Variants in RSPH14 observed in about 807,000 individuals in gnomAD.
RSPH14 encodes the protein radial spoke head 14 homolog, also known as rhabdoid tumor deletion region gene 1.
RSPH14 carries 20 observed loss-of-function variants against 26.7 expected under a neutral mutation model. That is an observed-to-expected ratio of 0.75 (90% confidence interval 0.53 to 1.09). RSPH14 has a LOEUF of 1.09. Ranked by LOEUF, RSPH14 falls within the 50% of genes least tolerant of loss-of-function variation. The pLI is 0.00. For missense variants in RSPH14, 449 were observed against 457.2 expected, an observed-to-expected ratio of 0.98 and a Z score of 0.16; for synonymous variants, 177 against 189.3, an observed-to-expected ratio of 0.93 and a Z score of 0.53.
chr22:23,102,549 A>G (rs1257273116), intron 4 of RSPH14, among the ~76,000 whole-genome samples: 2 of 152,206 alleles, frequency 1.3e-5, no homozygotes, highest in Admixed American at 6.5e-5. Flanking sequence ...GTCAGAGGTC[A>G]GCCACAAGGC....
intron 4 of RSPH14, among the ~76,000 whole-genome samples, chr22:23,132,231 T>C (rs2146434389): frequency 6.6e-6 from 1 of 152,300 alleles, no homozygotes; most frequent in East Asian, 1.9e-4. Context: ...CCCAGGTTCA[T>C]CTGACTCCTG....
chr22:23,145,515 A>C (rs752245439), upstream of RSPH14: 1 of 1,604,864 alleles, frequency 6.2e-7, no homozygotes, highest in South Asian at 1.1e-5. Context: ...CAGGCGGACC[A>C]GGCCGCGCGG....
intron 4 of RSPH14, among the ~76,000 whole-genome samples, chr22:23,078,918 T>G (rs2068589082): frequency 6.6e-6 from 1 of 152,150 alleles, no homozygotes; most frequent in African/African-American, 2.4e-5. Context: ...GCGGGGGCTG[T>G]GCGTCTACCC....
At chr22:23,123,263 C>T (rs200336199) in intron 4 of RSPH14, 184 of 1,614,006 alleles carry the variant, frequency 1.1e-4, no homozygotes, top group Admixed American at 8.0e-4. Context: ...ACGAGGAGGC[C>T]GCTGTCTACA....
chr22:23,069,891 C>T (rs908186920), intron 4 of RSPH14, among the ~76,000 whole-genome samples: 2 of 152,130 alleles, frequency 1.3e-5, no homozygotes, highest in Admixed American at 6.5e-5. Context: ...AGAGGTCAGT[C>T]GGTTGCCCAA....
chr22:23,132,340 G>T (rs1163492983), intron 4 of RSPH14, among the ~76,000 whole-genome samples: 2 of 152,084 alleles, frequency 1.3e-5, no homozygotes, highest in East Asian at 1.9e-4. Context: ...AATACTCATT[G>T]CATCATGCGA....
At chr22:23,102,274 T>C (rs1040283845) in intron 4 of RSPH14, among the ~76,000 whole-genome samples, 6 of 152,278 alleles carry the variant, frequency 3.9e-5, no homozygotes, top group African/African-American at 1.4e-4. Flanking sequence ...CGTGACCCCA[T>C]GGGATGCTGG....
chr22:23,176,192 C>T, the RSPH14 span, among the ~76,000 whole-genome samples: 1 of 152,224 alleles, frequency 6.6e-6, no homozygotes. Context: ...CCTCTGCTTG[C>T]CTGTTGCAGT....
chr22:23,149,966 A>G (rs1425083829), upstream of RSPH14: 18 of 955,314 alleles, frequency 1.9e-5, no homozygotes, highest in Non-Finnish European at 3.0e-5. Context: ...AGGCCTAGGA[A>G]GGAAGGCTGG....
chr22:23,115,600 G>T (rs1038386291), intron 4 of RSPH14, among the ~76,000 whole-genome samples: 5 of 152,114 alleles, frequency 3.3e-5, no homozygotes, highest in Admixed American at 1.3e-4. Context: ...TGACCCTGCA[G>T]GGTGGCCTCC....
chr22:23,079,211 A>G (rs2068601751), intron 4 of RSPH14, among the ~76,000 whole-genome samples: 1 of 152,264 alleles, frequency 6.6e-6, no homozygotes, highest in Non-Finnish European at 1.5e-5. Context: ...TGCTTGGGGC[A>G]AGGCAGCACA....
At chr22:23,109,944 G>A (rs2069599595) in intron 4 of RSPH14, among the ~76,000 whole-genome samples, 1 of 152,182 alleles carries the variant, frequency 6.6e-6, no homozygotes, top group South Asian at 2.1e-4. Context: ...ACTGGCTCCA[G>A]GGACAGACAG....
the RSPH14 span, among the ~76,000 whole-genome samples, chr22:23,152,774 TC>T: frequency 4.6e-5 from 7 of 152,132 alleles, no homozygotes; most frequent in African/African-American, 1.4e-4. Flanking sequence ...CCACGGGCTC[TC>T]CCCTCCACTG....
the RSPH14 span, chr22:23,156,012 C>T: frequency 6.2e-7 from 1 of 1,612,924 alleles, no homozygotes; most frequent in African/African-American, 1.3e-5. Flanking sequence ...ATCGCATCTG[C>T]CTACTACCGG....
intron 6 of RSPH14, 24 bp from the exon 7 acceptor site, chr22:23,059,742 T>C: frequency 6.7e-7 from 1 of 1,502,602 alleles, no homozygotes; most frequent in Non-Finnish European, 8.8e-7. Context: ...ACACAAGGCG[T>C]TCCAAACAGC....
the RSPH14 span, chr22:23,161,798 C>A: frequency 2.2e-5 from 12 of 539,198 alleles, no homozygotes; most frequent in Non-Finnish European, 3.0e-5. Flanking sequence ...CCCACACCAC[C>A]GGGCCAGTGC....
chr22:23,160,910 A>G, the RSPH14 span: 1 of 1,613,892 alleles, frequency 6.2e-7, no homozygotes, highest in Non-Finnish European at 8.5e-7. Flanking sequence ...TCAGCCGCGT[A>G]GCCGCCCTGG....
chr22:23,122,827 G>A, intron 4 of RSPH14: 1 of 548,792 alleles, frequency 1.8e-6, no homozygotes. Flanking sequence ...GAGATCACTG[G>A]CACCCAGAGG....
At chr22:23,146,754 T>C, upstream of RSPH14, 2 of 1,574,990 alleles carry the variant, frequency 1.3e-6, no homozygotes, top group Admixed American at 1.8e-5. Flanking sequence ...CACTCTACAC[T>C]CATGCCTAGA....
Sources: gnomAD v4.1 joint callset for allele counts (sites outside exome capture counted in the v4.1 genomes callset) on GRCh38, gnomAD v4.1.1 for gene constraint, MANE v1.5 for transcripts, NCBI Gene and HGNC (gene_info 2026-07-23, HGNC 2026-07-21) for gene names.